REV1: variants seen among roughly 807,000 people sequenced by gnomAD.
The protein encoded by REV1 is translesion synthesis protein REV1.
REV1 carries 42 observed loss-of-function variants against 137.4 expected under a neutral mutation model. The observed-to-expected ratio is 0.31, with a 90% confidence interval of 0.24 to 0.40. REV1 has a LOEUF of 0.40. Ranked by LOEUF, REV1 falls within the 10% of genes least tolerant of loss-of-function variation. The pLI is 1.00. For synonymous variants in REV1, 524 were observed against 519.2 expected, an observed-to-expected ratio of 1.01 and a Z score of -0.12; for missense variants, 1,282 against 1,490.1, an observed-to-expected ratio of 0.86 and a Z score of 2.30.
rs868368150 is a variant in REV1 at position 99,462,696 on chromosome 2, T to A, written c.55-74A>T. On this transcript the variant is annotated intron_variant, in intron 2 of 22. Transcript: ENST00000258428. ...CCCCTTTTTTGAAAAAAAAAAATTT[T>A]AAAAACTAAATAAATAAATGGACCT... The A allele has an allele frequency of 4.2e-6, 6 of 1,426,668 alleles. No homozygotes were observed. In the South Asian group the frequency reaches 5.0e-5, roughly 12 times the overall value. 88.4% of individuals were successfully genotyped at this position (1,426,668 alleles called of 1,614,324 possible).
chr2:99,471,607 G>A (rs922862713), intron 1 of REV1, among the ~76,000 whole-genome samples: 1 of 151,956 alleles, frequency 6.6e-6, no homozygotes, highest in African/African-American at 2.4e-5. Flanking sequence ...GGCAAAAAAG[G>A]GTTAAAAGGC....
At chr2:99,403,642 G>T in intron 19 of REV1, 53 bp downstream of exon 19, 2 of 1,611,660 alleles carry the variant, frequency 1.2e-6, no homozygotes, top group South Asian at 2.2e-5. Context: ...AGACAACAGT[G>T]ACTCCATTAC....
At chr2:99,434,307 G>T in intron 8 of REV1, 25 bp downstream of exon 8, 1 of 1,486,636 alleles carries the variant, frequency 6.7e-7, no homozygotes, top group Non-Finnish European at 9.2e-7. Flanking sequence ...GGAGCACTAA[G>T]ACTTCAAAGA....
intron 1 of REV1, among the ~76,000 whole-genome samples, chr2:99,476,856 C>T (rs1286065276): frequency 6.6e-6 from 1 of 152,220 alleles, no homozygotes; most frequent in South Asian, 2.1e-4. Context: ...TCCATAACTT[C>T]GCTGGCAGAG....
Position 99,462,506 on chromosome 2 carries a change from A to G in REV1, c.171T>C (p.Asn57=). ...TIFSGVAIYV[N]GYTDPSAEEL... is the part of the protein sequence containing the mutation. ...TAAAAAGTACTCAACCTGTGTATCC[A>G]TTAACATAGATGGCAACTCCACTAA... The change falls in exon 3 of 23, where the codon AAT becomes AAC. Residue 57 remains asparagine, a synonymous_variant. Transcript: ENST00000258428. The G allele has an allele frequency of 6.2e-7, 1 of 1,612,976 alleles. No individual in the cohort carries two copies.
chr2:99,459,940 A>G (rs192597825), intron 3 of REV1, among the ~76,000 whole-genome samples: 6 of 152,246 alleles, frequency 3.9e-5, no homozygotes, highest in African/African-American at 7.2e-5. Context: ...AATCAAGAAC[A>G]CTTGGATTAT....
Position 99,449,437 on chromosome 2 carries a change from G to A in REV1, c.249C>T (p.Ser83=). The part of the protein sequence containing the change: ...LHGGQYHVYY[S]RSKTTHIIAT... ...CAATAATATGTGTTGTTTTAGATCT[G>A]GAATAATATACATGGTATTGACCTC... The change falls in exon 4 of 23, where the codon TCC becomes TCT. Residue 83 remains serine, a synonymous_variant. Transcript: ENST00000258428. 1 of 1,569,362 alleles carries A rather than the reference G, an allele frequency of 6.4e-7. No individual in the cohort carries two copies.
chr2:99,402,716 GTGC>G lies in REV1; in HGVS notation c.3466_3468del (p.Ala1156del). On this transcript the variant is annotated inframe_deletion, in exon 21 of 23. Transcript: ENST00000258428. ...AATTCAACAGCTCCAGCTAGATTGGGTGCTGGAGGTCTCACACAGCCAGCTGGG... is the reference window on the plus strand; with the variant it reads ...AATTCAACAGCTCCAGCTAGATTGGGTGGAGGTCTCACACAGCCAGCTGGG... The G allele has an allele frequency of 1.2e-6, 2 of 1,613,900 alleles. No homozygotes were observed. The highest frequency in any genetic ancestry group is 1.7e-6 in the Non-Finnish European group (2 of 1,179,770).
In REV1 at chr2:99,439,133, T is replaced by A. The variant is rs1473491643; in HGVS notation, c.681A>T (p.Gly227=). The part of the protein sequence containing the change: ...HPRGSTAIFN[G]HTPSSNGALK... ...AGGCACCATTAGAGCTAGGAGTGTG[T>A]CCATTAAAAATGGCAGTGCTCCCTC... Residue 227 remains glycine, a synonymous_variant, in exon 6 of 23, where the codon GGA becomes GGT. Transcript: ENST00000258428. 1 of 1,614,032 alleles carries A rather than the reference T, an allele frequency of 6.2e-7. No homozygotes were observed. The highest frequency in any genetic ancestry group is 1.3e-5 in the African/African-American group (1 of 74,924).
chr2:99,470,615 A>C (rs1685308635), intron 1 of REV1, among the ~76,000 whole-genome samples: 1 of 152,212 alleles, frequency 6.6e-6, no homozygotes, highest in African/African-American at 2.4e-5. Flanking sequence ...CCTTATTTGA[A>C]GGTGTTTTTA....
At chr2:99,411,791 T>C (rs1454203494) in intron 13 of REV1, among the ~76,000 whole-genome samples, 1 of 152,056 alleles carries the variant, frequency 6.6e-6, no homozygotes, top group Non-Finnish European at 1.5e-5. Context: ...ATAAAATGTG[T>C]GTTCCAACAC....
chr2:99,478,492 G>A (rs1686231283), intron 1 of REV1, among the ~76,000 whole-genome samples: 1 of 152,198 alleles, frequency 6.6e-6, no homozygotes, highest in Non-Finnish European at 1.5e-5. Flanking sequence ...TAAGAGTCTA[G>A]AGGAAGGAGG....
At chr2:99,406,533 T>C (rs1676322788) in intron 15 of REV1, 43 bp from the exon 16 acceptor site, 3 of 1,457,628 alleles carry the variant, frequency 2.1e-6, no homozygotes, top group Admixed American at 4.9e-5. Context: ...AAAACTAAAG[T>C]GAAAATATGA....
rs1031843230 is a variant in REV1, at chr2:99,489,327, G to C, written c.-11+490C>G. On this transcript the variant is annotated intron_variant, in intron 1 of 22. Transcript: ENST00000258428. The stretch of plus-strand genomic sequence containing the variant: ...GGCTGGAGTGCGGGTGGGAGCGGCG[G>C]CTCGACCGGGTCGACATTCTACAAA... Among the ~76,000 whole-genome samples the C allele has an allele frequency of 1.4e-3, 211 of 152,288 alleles. 1 individual carries two copies. Among genetic ancestry groups the C allele is most frequent in the Non-Finnish European group, 1.2e-3 (80 of 68,010 alleles).
At chr2:99,482,705 C>A (rs1306642373) in intron 1 of REV1, among the ~76,000 whole-genome samples, 1 of 152,130 alleles carries the variant, frequency 6.6e-6, no homozygotes, top group African/African-American at 2.4e-5. Flanking sequence ...GCTGCACATA[C>A]ACTAAAATTG....
intron 17 of REV1, 58 bp from the exon 18 acceptor site, chr2:99,404,735 T>C: frequency 1.7e-6 from 2 of 1,177,156 alleles, no homozygotes; most frequent in Admixed American, 4.0e-5. Context: ...ATGAGGTGTT[T>C]GGGAGTTAAC....
chr2:99,424,863 T>C (rs930967738), intron 9 of REV1: 1 of 1,304,016 alleles, frequency 7.7e-7, no homozygotes, highest in Admixed American at 2.3e-5. Context: ...AGGACATCAC[T>C]CTGGGCAGGA....
intron 9 of REV1, among the ~76,000 whole-genome samples, chr2:99,427,387 TAA>T (rs202111573): frequency 0.011 from 1,686 of 152,338 alleles, 8 homozygotes; most frequent in Middle Eastern, 0.024. Flanking sequence ...TGATTCCATA[TAA>T]AGTTTGCTCT....
intron 7 of REV1, among the ~76,000 whole-genome samples, 190 bp from the exon 8 acceptor site, chr2:99,434,638 C>G (rs990695949): frequency 2.0e-5 from 3 of 152,068 alleles, no homozygotes; most frequent in Non-Finnish European, 4.4e-5. Flanking sequence ...AGTTTCTTAG[C>G]ACCTCCAGAA....
Sources: gnomAD v4.1 joint callset for allele counts (sites outside exome capture counted in the v4.1 genomes callset) on GRCh38, gnomAD v4.1.1 for gene constraint, MANE v1.5 for transcripts, NCBI Gene and HGNC (gene_info 2026-07-23, HGNC 2026-07-21) for gene names.